The following DPP10 variants were observed in gnomAD, a reference collection of about 807,000 sequenced individuals.
The protein encoded by DPP10 is dipeptidyl peptidase like 10.
DPP10 carries 33 observed loss-of-function variants against 120.9 expected under a neutral mutation model. That is an observed-to-expected ratio of 0.27 (90% CI 0.21 to 0.37). The LOEUF is 0.37. Ranked by LOEUF, DPP10 falls within the 10% of genes least tolerant of loss-of-function variation. The pLI, the probability that DPP10 is intolerant of heterozygous loss-of-function variation, is 1.00. For synonymous variants in DPP10, 337 were observed against 326.1 expected (o/e 1.03, Z -0.36); for missense variants, 816 against 942.8 (o/e 0.87, Z 1.76).
chr2:115,508,865 T>A (rs1437351507), intron 4 of DPP10, among the ~76,000 whole-genome samples: 15 of 152,172 alleles, frequency 9.9e-5, no homozygotes, highest in East Asian at 1.9e-4. Context: ...ATAGCGCCAC[T>A]GCACTACAGC....
At chr2:115,383,511 A>G (rs1574650821) in intron 3 of DPP10, among the ~76,000 whole-genome samples, 1 of 152,180 alleles carries the variant, frequency 6.6e-6, no homozygotes, top group East Asian at 1.9e-4. Context: ...GATTTTTACA[A>G]ATTCAGTTAG....
At chr2:114,955,058 T>C (rs2104671083) in intron 1 of DPP10, among the ~76,000 whole-genome samples, 1 of 152,312 alleles carries the variant, frequency 6.6e-6, no homozygotes, top group Admixed American at 6.5e-5. Context: ...TTCTTGGACC[T>C]TGCATAAGAA....
At chr2:115,734,329 G>T (rs2092980757) in intron 8 of DPP10, among the ~76,000 whole-genome samples, 1 of 151,930 alleles carries the variant, frequency 6.6e-6, no homozygotes, top group Admixed American at 6.6e-5. Flanking sequence ...TAGCCAACGG[G>T]GTATCTTTGT....
chr2:114,860,399 T>C (rs556109430), intron 1 of DPP10, among the ~76,000 whole-genome samples: 2 of 152,292 alleles, frequency 1.3e-5, no homozygotes, highest in East Asian at 1.9e-4. Flanking sequence ...AATAGGAGCA[T>C]TGGGGATTAC....
At chr2:115,260,606 G>T (rs956498189) in intron 1 of DPP10, among the ~76,000 whole-genome samples, 1 of 152,156 alleles carries the variant, frequency 6.6e-6, no homozygotes, top group African/African-American at 2.4e-5. Flanking sequence ...TCTTATTCAT[G>T]AATATGTTTA....
In DPP10 at chr2:115,534,090, T is replaced by C. The variant is rs188260619; in HGVS notation, c.441+8118T>C. On this transcript the variant is annotated intron_variant, in intron 5 of 25. Transcript: ENST00000410059. ...TATCACTAATTAAACAACACACTTT[T>C]ATTTATTTTTTTATTTTTTATTTTT... Among the ~76,000 whole-genome samples the C allele has an allele frequency of 4.8e-4, 68 of 141,496 alleles. 1 individual carries two copies. In the South Asian group the frequency reaches 9.4e-3, roughly 20 times the overall value. The allele number at this position is 141,496 out of a possible 152,430, so 92.8% of individuals were successfully genotyped here.
intron 5 of DPP10, among the ~76,000 whole-genome samples, chr2:115,619,426 A>G (rs533417605): frequency 9.9e-5 from 15 of 152,234 alleles, no homozygotes; most frequent in Non-Finnish European, 2.1e-4. Context: ...CCCGCTTAAA[A>G]TGCCTCATGT....
chr2:115,230,141 TTTG>T (rs1021069065), intron 1 of DPP10, among the ~76,000 whole-genome samples: 3 of 152,004 alleles, frequency 2.0e-5, no homozygotes, highest in South Asian at 4.1e-4. Context: ...GTTTGTTCTT[TTTG>T]TTGTTGTTGT....
At chr2:114,840,911 A>G (rs1471320763) in intron 1 of DPP10, among the ~76,000 whole-genome samples, 1 of 152,098 alleles carries the variant, frequency 6.6e-6, no homozygotes, top group Admixed American at 6.6e-5. Context: ...CCTCTGTTCC[A>G]CAGGCACACA....
chr2:115,644,431 C>A (rs967655269), intron 5 of DPP10, among the ~76,000 whole-genome samples: 2 of 151,850 alleles, frequency 1.3e-5, no homozygotes, highest in African/African-American at 2.4e-5. Context: ...TTTGTCCTTG[C>A]GATAGTTTGC....
intron 5 of DPP10, among the ~76,000 whole-genome samples, chr2:115,670,533 G>A (rs1044342046): frequency 6.6e-6 from 1 of 151,996 alleles, no homozygotes; most frequent in African/African-American, 2.4e-5. Context: ...TTTATTGTAG[G>A]TTGCAATTTT....
intron 1 of DPP10, among the ~76,000 whole-genome samples, chr2:115,120,214 C>T (rs1425287464): frequency 6.6e-6 from 1 of 152,158 alleles, no homozygotes; most frequent in African/African-American, 2.4e-5. Context: ...TTTGTGATTC[C>T]AGCAATTCCA....
intron 3 of DPP10, among the ~76,000 whole-genome samples, chr2:115,450,101 A>G (rs1423415604): frequency 1.3e-5 from 2 of 151,978 alleles, no homozygotes; most frequent in African/African-American, 2.4e-5. Flanking sequence ...TTAGCCCATC[A>G]TAAGTTGAGA....
intron 1 of DPP10, among the ~76,000 whole-genome samples, chr2:114,881,914 T>C (rs1158937526): frequency 6.6e-6 from 1 of 152,106 alleles, no homozygotes; most frequent in Non-Finnish European, 1.5e-5. Flanking sequence ...GTAATATACA[T>C]AATGATCATC....
At chr2:114,497,259 GTGTATA>G (rs1682659238) in intron 1 of DPP10, among the ~76,000 whole-genome samples, 5 of 65,974 alleles carry the variant, frequency 7.6e-5, no homozygotes, top group South Asian at 6.0e-4. Flanking sequence ...GCATGTACGT[GTGTATA>G]CATGTACATG....
rs10689084 is a variant in DPP10 at position 115,767,473 on chromosome 2, A to ATGTGTG, written c.1114-812_1114-807dup. Among the ~76,000 whole-genome samples the ATGTGTG allele has an allele frequency of 3.2e-3, 487 of 150,674 alleles. 4 individuals are homozygous for ATGTGTG. Among genetic ancestry groups the ATGTGTG allele is most frequent in the East Asian group, 4.7e-3 (24 of 5,086 alleles). The stretch of plus-strand genomic sequence containing the variant: ...TATCTCTCTCTCTCTACATACATAT[A>ATGTGTG]TGTGTGTGTGTGTGTGTATATATAT... On this transcript the variant is annotated intron_variant, in intron 12 of 25. Transcript: ENST00000410059.
intron 1 of DPP10, among the ~76,000 whole-genome samples, chr2:115,139,355 T>TTTG (rs111247294): frequency 0.13 from 20,168 of 152,028 alleles, 1,731 homozygotes; most frequent in East Asian, 0.3. Flanking sequence ...GTTCATAGAT[T>TTTG]TTTTTAATTT....
chr2:115,015,286 C>A (rs768436380), intron 1 of DPP10, among the ~76,000 whole-genome samples: 1 of 151,960 alleles, frequency 6.6e-6, no homozygotes, highest in East Asian at 1.9e-4. Context: ...AAAAGGCCTT[C>A]GATAAAATTC....
intron 1 of DPP10, among the ~76,000 whole-genome samples, chr2:114,766,894 A>T (rs994828128): frequency 2.6e-5 from 4 of 151,886 alleles, no homozygotes; most frequent in Admixed American, 1.3e-4. Flanking sequence ...ACTGCATAGC[A>T]CCACAGACAC....
Sources: allele counts gnomAD v4.1 joint callset (sites outside exome capture counted in the v4.1 genomes callset), GRCh38; gene constraint gnomAD v4.1.1; transcripts MANE v1.5; gene names NCBI Gene and HGNC (gene_info 2026-07-23, HGNC 2026-07-21).